Variants in RFX6 observed in about 807,000 individuals in gnomAD.
RFX6 encodes DNA-binding protein RFX6.
A neutral mutation model predicts 110.8 loss-of-function variants in RFX6; 50 were observed. The ratio of observed to expected loss-of-function variants is 0.45; its 90% confidence interval spans 0.36 to 0.57. RFX6 has a LOEUF of 0.57. RFX6 is among the 20% of genes least tolerant of loss of function. RFX6 has a pLI of 0.00. For missense variants in RFX6, 990 were observed against 1,127.0 expected (o/e 0.88, Z 1.74); for synonymous variants, 383 against 411.2 (o/e 0.93, Z 0.83).
chr6:116,896,146 G>A (rs1337189408), intron 6 of RFX6, among the ~76,000 whole-genome samples: 1 of 152,160 alleles, frequency 6.6e-6, no homozygotes, highest in Non-Finnish European at 1.5e-5. Context: ...TGTCAATAGG[G>A]AATTTACGTT....
rs765521990 is a variant in RFX6 at position 116,877,436 on chromosome 6, G to A, written c.161G>A (p.Gly54Glu). Residue 54 changes from glycine to glutamate, a missense_variant, in exon 1 of 19, where the codon GGG becomes GAG. Coordinates refer to ENST00000332958, the MANE Select transcript of RFX6 (RefSeq NM_173560.4). ...TACCTGGCGGCCGAAGGGCAGCCCG[G>A]GGGCGAGCAGGGCGGCGGGGAGAAA... Reference protein sequence around the residue: ...TVYLAAEGQPGGEQGGGEKGE... With the variant: ...TVYLAAEGQPEGEQGGGEKGE... 213 of 1,590,314 alleles carry A rather than the reference G, an allele frequency of 1.3e-4. No homozygotes were observed. The highest frequency in any genetic ancestry group is 1.8e-4 in the Non-Finnish European group (206 of 1,167,982).
chr6:116,895,468 T>G (rs1774923393), intron 6 of RFX6, among the ~76,000 whole-genome samples: 1 of 152,082 alleles, frequency 6.6e-6, no homozygotes, highest in Admixed American at 6.6e-5. Context: ...CTTACAAGAC[T>G]GTAAAAAAAA....
At chr6:116,883,316 C>T (rs1294129459) in intron 4 of RFX6, among the ~76,000 whole-genome samples, 2 of 152,102 alleles carry the variant, frequency 1.3e-5, no homozygotes, top group East Asian at 1.9e-4. Context: ...AAAACTACCT[C>T]TATAGCTTCT....
chr6:116,920,275 T>G, intron 11 of RFX6, 35 bp from the exon 12 acceptor site: 1 of 1,554,062 alleles, frequency 6.4e-7, no homozygotes, highest in Non-Finnish European at 8.9e-7. Flanking sequence ...TTAGAAATGA[T>G]ATAGTGTAGT....
intron 2 of RFX6, among the ~76,000 whole-genome samples, chr6:116,879,975 C>T (rs1210464499): frequency 1.3e-5 from 2 of 151,904 alleles, no homozygotes; most frequent in Non-Finnish European, 2.9e-5. Context: ...AATTATAGTA[C>T]TGATGACAGT....
At chr6:116,921,879 T>C (rs548388739) in intron 12 of RFX6, among the ~76,000 whole-genome samples, 163 bp from the exon 13 acceptor site, 1 of 152,298 alleles carries the variant, frequency 6.6e-6, no homozygotes, top group South Asian at 2.1e-4. Flanking sequence ...TTTTTGTTAC[T>C]GTTTTCAAGA....
At chr6:116,918,600 G>GA (rs71012344) in intron 10 of RFX6, among the ~76,000 whole-genome samples, 55,420 of 143,420 alleles carry the variant, frequency 0.39, 11,077 homozygotes, top group East Asian at 0.51. Flanking sequence ...ATAGAATTCT[G>GA]AAAAAAAAAA....
intron 7 of RFX6, among the ~76,000 whole-genome samples, chr6:116,915,214 A>G (rs17078458): frequency 0.098 from 14,935 of 152,222 alleles, 915 homozygotes; most frequent in African/African-American, 0.17. Context: ...AAACTATGCT[A>G]TGCAAATATC....
intron 11 of RFX6, among the ~76,000 whole-genome samples, chr6:116,920,042 C>T (rs866861442): frequency 1.1e-4 from 16 of 152,064 alleles, no homozygotes; most frequent in African/African-American, 3.4e-4. Context: ...ATGTGCACAT[C>T]GTGCAGGTTT....
At position 116,877,606 on chromosome 6, in the gene RFX6, T is replaced by C. The variant is rs1344482179; in HGVS notation, c.223+108T>C. The C allele has an allele frequency of 2.2e-5, 24 of 1,080,476 alleles. No homozygotes were observed. The East Asian group carries it at 6.2e-4, about 28-fold the overall frequency. 66.9% of individuals were successfully genotyped at this position (1,080,476 alleles called of 1,614,324 possible). A position where few individuals can be genotyped will look rare whatever the true frequency, so the allele number is the denominator to read the frequency against. The stretch of plus-strand genomic sequence containing the variant: ...GAACAAACATAAGGCAGATATAGAA[T>C]GTTCTGTCCAAATCTTTGTATTTCC... On this transcript the variant is annotated intron_variant, in intron 1 of 18. Coordinates refer to ENST00000332958, the MANE Select transcript of RFX6 (RefSeq NM_173560.4).
rs1382720550 is a variant in RFX6 at position 116,925,413 on chromosome 6, G to A, written c.1679-40G>A. 8.6e-6 allele frequency: 13 copies of A among 1,503,608 alleles called. No homozygotes were observed. In the Admixed American group the frequency reaches 2.0e-4, roughly 23 times the overall value. The allele number at this position is 1,503,608 out of a possible 1,614,324, so 93.1% of individuals were successfully genotyped here. ...TTGGGTTTATCTACGAGGAATGTGA[G>A]AAAAAATCTCAAATTTCCCATTTTA... On this transcript the variant is annotated intron_variant, in intron 15 of 18. Transcript: ENST00000332958.
intron 4 of RFX6, chr6:116,884,955 A>G (rs1043479656): frequency 5.3e-5 from 8 of 151,400 alleles, no homozygotes; most frequent in African/African-American, 2.0e-4. Context: ...TTAATTTTCC[A>G]TATTTAAACT....
chr6:116,882,174 C>A (rs768385579), intron 3 of RFX6, among the ~76,000 whole-genome samples, 193 bp from the exon 4 acceptor site: 3 of 152,002 alleles, frequency 2.0e-5, no homozygotes, highest in Non-Finnish European at 4.4e-5. Context: ...GCACTTCAAT[C>A]AAAAAAGTAC....
At chr6:116,881,201 G>A (rs188410274) in intron 3 of RFX6, among the ~76,000 whole-genome samples, 3 of 152,142 alleles carry the variant, frequency 2.0e-5, no homozygotes, top group Admixed American at 2.0e-4. Flanking sequence ...TGTGTGGTTA[G>A]GATGGGAATC....
chr6:116,902,613 A>G (rs1775099832), intron 6 of RFX6, among the ~76,000 whole-genome samples: 1 of 152,020 alleles, frequency 6.6e-6, no homozygotes, highest in Non-Finnish European at 1.5e-5. Context: ...TGGGTCTTCT[A>G]ATGTGGGCCA....
intron 4 of RFX6, among the ~76,000 whole-genome samples, chr6:116,892,186 T>G (rs1774845499): frequency 6.6e-6 from 1 of 152,244 alleles, no homozygotes; most frequent in South Asian, 2.1e-4. Flanking sequence ...AAATCCTTTT[T>G]CCTTCATCTC....
rs774845102 is a variant in RFX6, at chr6:116,894,038, C to T, written c.618C>T (p.Ser206=). 25 of 1,599,828 alleles carry T rather than the reference C, an allele frequency of 1.6e-5. No homozygotes were observed. In the African/African-American group the frequency reaches 1.7e-4, roughly 11 times the overall value. ...AAGAGAGCAGTGCATATTACCACTC[C>T]GTTTATTCTGGAAAGGGCTTGACAA... is the stretch of plus-strand genomic sequence containing the variant. ...GIKESSAYYH[S]VYSGKGLTRF... is the part of the protein sequence containing the mutation. The change falls in exon 5 of 19, where the codon TCC becomes TCT. Residue 206 remains serine (S), a synonymous_variant. Transcript: ENST00000332958.
chr6:116,916,628 AAC>A lies in RFX6; in HGVS notation c.972+318_972+319del, dbSNP rs560350804. Among the ~76,000 whole-genome samples the A allele has an allele frequency of 1.6e-4, 25 of 152,262 alleles. No individual in the cohort carries two copies. In the East Asian group the frequency reaches 2.5e-3, roughly 15 times the overall value. On this transcript the variant is annotated intron_variant, in intron 9 of 18. Coordinates refer to ENST00000332958, the MANE Select transcript of RFX6 (RefSeq NM_173560.4). ...CTCTAAGGTGTTTTCAGATTAAAATAACACAGTGGATTTTTTTTCACAATGCC... is the reference window on the plus strand; with the variant it reads ...CTCTAAGGTGTTTTCAGATTAAAATAACAGTGGATTTTTTTTCACAATGCC...
chr6:116,881,876 A>C (rs1774597369), intron 3 of RFX6, among the ~76,000 whole-genome samples: 1 of 152,140 alleles, frequency 6.6e-6, no homozygotes, highest in Non-Finnish European at 1.5e-5. Context: ...ACTTTTTAAA[A>C]AATGTTTAAT....
Sources: gnomAD v4.1 joint callset for allele counts (sites outside exome capture counted in the v4.1 genomes callset) on GRCh38, gnomAD v4.1.1 for gene constraint, MANE v1.5 for transcripts, NCBI Gene and HGNC (gene_info 2026-07-23, HGNC 2026-07-21) for gene names.